Variants in GALNT10 observed in about 807,000 individuals in gnomAD.
The protein encoded by GALNT10 is GalNAc transferase 10.
Under a neutral mutation model 75.0 loss-of-function variants are expected in GALNT10, and 41 were observed. That is an observed-to-expected ratio of 0.55 (90% CI 0.43 to 0.71). The LOEUF (loss-of-function observed/expected upper bound fraction) is 0.71, where lower values mean the gene tolerates loss of function less well. Among genes scored for constraint, GALNT10 ranks in the 30% least tolerant of loss-of-function variants. The pLI is 0.00. For missense variants in GALNT10, 727 were observed against 818.5 expected, an observed-to-expected ratio of 0.89 and a Z score of 1.36; for synonymous variants, 302 against 313.0, an observed-to-expected ratio of 0.96 and a Z score of 0.37.
chr5:154,238,435 CA>C (rs1561637454), intron 1 of GALNT10, among the ~76,000 whole-genome samples: 1 of 152,148 alleles, frequency 6.6e-6, no homozygotes, highest in Non-Finnish European at 1.5e-5. Flanking sequence ...CATTAATATG[CA>C]GATTGAATTA....
At chr5:154,260,073 G>T (rs981340827) in intron 1 of GALNT10, among the ~76,000 whole-genome samples, 2 of 152,196 alleles carry the variant, frequency 1.3e-5, no homozygotes, top group East Asian at 1.9e-4. Context: ...AAATACACTT[G>T]TGGATGTTTT....
intron 3 of GALNT10, among the ~76,000 whole-genome samples, chr5:154,308,299 G>A (rs1448353811): frequency 1.3e-5 from 2 of 152,042 alleles, no homozygotes. Flanking sequence ...ATAGCATCCT[G>A]GGCCTAGCAG....
intron 1 of GALNT10, among the ~76,000 whole-genome samples, chr5:154,231,807 G>C (rs960540975): frequency 6.6e-6 from 1 of 152,160 alleles, no homozygotes; most frequent in Non-Finnish European, 1.5e-5. Flanking sequence ...TGCCTTTGTA[G>C]CTCTCTGGGA....
intron 1 of GALNT10, among the ~76,000 whole-genome samples, chr5:154,216,819 G>A (rs1186706900): frequency 6.6e-6 from 1 of 151,982 alleles, no homozygotes; most frequent in Non-Finnish European, 1.5e-5. Flanking sequence ...CTACTTACTG[G>A]CAACAACCTT....
At chr5:154,241,413 T>C (rs1374422403) in intron 1 of GALNT10, among the ~76,000 whole-genome samples, 1 of 152,172 alleles carries the variant, frequency 6.6e-6, no homozygotes, top group East Asian at 1.9e-4. Context: ...AAAAGAAATT[T>C]CCCAGTAATT....
chr5:154,201,859 G>A (rs1359094987), intron 1 of GALNT10, among the ~76,000 whole-genome samples: 1 of 152,080 alleles, frequency 6.6e-6, no homozygotes, highest in Non-Finnish European at 1.5e-5. Context: ...AAGCTGGGAG[G>A]CGGAGGTTGC....
intron 4 of GALNT10, among the ~76,000 whole-genome samples, chr5:154,332,550 T>A (rs1190587640): frequency 6.6e-6 from 1 of 152,212 alleles, no homozygotes; most frequent in Non-Finnish European, 1.5e-5. Flanking sequence ...GTTACATGGC[T>A]GTTTGTTGAG....
Position 154,265,011 on chromosome 5 carries a change from C to T in GALNT10, c.160-29805C>T, listed in dbSNP as rs918329818. Among the ~76,000 whole-genome samples the T allele has an allele frequency of 2.6e-5, 4 of 152,262 alleles. 1 individual carries two copies. The highest frequency in any genetic ancestry group is 2.6e-4 in the Admixed American group (4 of 15,296). On this transcript the variant is annotated intron_variant, in intron 1 of 11. Coordinates refer to ENST00000297107, the MANE Select transcript of GALNT10 (RefSeq NM_198321.4). Reference sequence around the variant, plus strand: ...CCTCATTCTAGGATCATTCCAGGGGCAGTAGTTAGGCTGACTTTCTTTACC... The same window carrying T: ...CCTCATTCTAGGATCATTCCAGGGGTAGTAGTTAGGCTGACTTTCTTTACC...
intron 3 of GALNT10, among the ~76,000 whole-genome samples, chr5:154,313,166 G>A (rs943599470): frequency 3.3e-5 from 5 of 151,956 alleles, no homozygotes; most frequent in Non-Finnish European, 5.9e-5. Context: ...AAAATTAGCC[G>A]GGCGTGATGG....
At chr5:154,312,566 AT>A (rs1273886364) in intron 3 of GALNT10, among the ~76,000 whole-genome samples, 7 of 152,196 alleles carry the variant, frequency 4.6e-5, no homozygotes, top group Non-Finnish European at 8.8e-5. Flanking sequence ...TTGTGGTCAC[AT>A]TTTAAGATAT....
At chr5:154,347,390 A>G in intron 4 of GALNT10, 1 of 314,458 alleles carries the variant, frequency 3.2e-6, no homozygotes, top group South Asian at 2.6e-5. Flanking sequence ...TTTAGACAGG[A>G]TCTTGCTCTG....
intron 4 of GALNT10, among the ~76,000 whole-genome samples, chr5:154,330,320 G>T (rs1754835757): frequency 6.6e-6 from 1 of 152,228 alleles, no homozygotes; most frequent in Non-Finnish European, 1.5e-5. Flanking sequence ...TGCAAGGAAG[G>T]CAGGGAATGT....
At chr5:154,238,605 C>T (rs545889519) in intron 1 of GALNT10, among the ~76,000 whole-genome samples, 5 of 152,278 alleles carry the variant, frequency 3.3e-5, no homozygotes, top group South Asian at 2.1e-4. Flanking sequence ...GAAGTGTCTG[C>T]GGTGCTTCGA....
chr5:154,338,819 G>T (rs1051255714), intron 4 of GALNT10, among the ~76,000 whole-genome samples: 12 of 152,180 alleles, frequency 7.9e-5, no homozygotes, highest in African/African-American at 2.9e-4. Context: ...CAGCTGTATT[G>T]TTGCAGAGGC....
At chr5:154,270,585 T>C (rs776793313) in intron 1 of GALNT10, among the ~76,000 whole-genome samples, 1 of 152,090 alleles carries the variant, frequency 6.6e-6, no homozygotes, top group Non-Finnish European at 1.5e-5. Context: ...CAAAACGCTT[T>C]CCTATGCATG....
chr5:154,358,105 C>A (rs1581990653), intron 4 of GALNT10, among the ~76,000 whole-genome samples: 1 of 152,210 alleles, frequency 6.6e-6, no homozygotes. Context: ...CTGAAAAGGC[C>A]AAGTGGAAAA....
chr5:154,375,392 C>G (rs1308821967), intron 4 of GALNT10, among the ~76,000 whole-genome samples: 1 of 152,148 alleles, frequency 6.6e-6, no homozygotes. Flanking sequence ...CAAGAGACAC[C>G]AACATTGAGG....
intron 3 of GALNT10, among the ~76,000 whole-genome samples, chr5:154,324,753 C>T (rs980207490): frequency 8.5e-5 from 13 of 152,112 alleles, no homozygotes; most frequent in Non-Finnish European, 1.8e-4. Flanking sequence ...AAGAACCTCT[C>T]GGTGATGCTA....
intron 1 of GALNT10, among the ~76,000 whole-genome samples, chr5:154,268,465 T>C (rs1321145736): frequency 6.6e-6 from 1 of 151,678 alleles, no homozygotes; most frequent in African/African-American, 2.4e-5. Context: ...CACATTAGAG[T>C]TAAGGAGCCC....
Sources: allele counts gnomAD v4.1 joint callset (sites outside exome capture counted in the v4.1 genomes callset), GRCh38; gene constraint gnomAD v4.1.1; transcripts MANE v1.5; gene names NCBI Gene and HGNC (gene_info 2026-07-23, HGNC 2026-07-21).